PTPRN2: variants seen among roughly 807,000 people sequenced by gnomAD.
The protein encoded by PTPRN2 is receptor-type tyrosine-protein phosphatase N2.
A neutral mutation model predicts 118.8 loss-of-function variants in PTPRN2; 74 were observed. The observed-to-expected ratio is 0.62, with a 90% confidence interval of 0.52 to 0.76. The LOEUF (loss-of-function observed/expected upper bound fraction) is 0.76. Among genes scored for constraint, PTPRN2 ranks in the 30% least tolerant of loss-of-function variants. The pLI is 0.00. For synonymous variants in PTPRN2, 641 were observed against 608.0 expected, an observed-to-expected ratio of 1.05 and a Z score of -0.80; for missense variants, 1,481 against 1,394.4, an observed-to-expected ratio of 1.06 and a Z score of -0.99.
At chr7:157,755,368 C>T (rs927632794) in intron 12 of PTPRN2, among the ~76,000 whole-genome samples, 1 of 152,106 alleles carries the variant, frequency 6.6e-6, no homozygotes, top group Non-Finnish European at 1.5e-5. Flanking sequence ...TTAAAAATTA[C>T]AATTTAGTCC....
At chr7:158,137,501 T>C (rs1034671042) in intron 7 of PTPRN2, among the ~76,000 whole-genome samples, 4 of 152,188 alleles carry the variant, frequency 2.6e-5, no homozygotes, top group Admixed American at 2.6e-4. Context: ...ACCTGAACAG[T>C]GCCCCTGGAG....
chr7:158,326,738 AC>A (rs1407436012), intron 2 of PTPRN2, among the ~76,000 whole-genome samples: 3 of 150,326 alleles, frequency 2.0e-5, no homozygotes, highest in Non-Finnish European at 4.4e-5. Context: ...ATTCTCACAC[AC>A]ATGCACATTC....
intron 1 of PTPRN2, among the ~76,000 whole-genome samples, chr7:158,576,472 C>T (rs1828322971): frequency 6.6e-6 from 1 of 152,236 alleles, no homozygotes; most frequent in Non-Finnish European, 1.5e-5. Context: ...CCACAGCCTG[C>T]ACCACCAGGG....
intron 2 of PTPRN2, among the ~76,000 whole-genome samples, chr7:158,457,173 A>T (rs1586719665): frequency 1.3e-5 from 2 of 152,332 alleles, no homozygotes; most frequent in East Asian, 3.9e-4. Flanking sequence ...CTGATGAGCC[A>T]CCAAGAATCC....
intron 10 of PTPRN2, among the ~76,000 whole-genome samples, chr7:158,083,700 G>A (rs932062423): frequency 3.9e-5 from 6 of 152,202 alleles, no homozygotes; most frequent in African/African-American, 1.4e-4. Flanking sequence ...TCATCACCAG[G>A]GAGTGCTCCT....
chr7:157,787,037 C>G lies in PTPRN2; in HGVS notation c.1789-104100G>C, dbSNP rs149005497. Among the ~76,000 whole-genome samples the G allele has an allele frequency of 2.6e-4, 38 of 143,694 alleles. No homozygotes were observed. Among genetic ancestry groups the G allele is most frequent in the African/African-American group, 1.0e-3 (38 of 38,050 alleles). 94.3% of individuals were successfully genotyped at this position (143,694 alleles called of 152,430 possible). A position where few individuals can be genotyped will look rare whatever the true frequency, so the allele number is the denominator to read the frequency against. Reference sequence around the variant, plus strand: ...AGGCGGACACAGGTGCGGCGGGGGACGCGGGGGTGGCTGCCCGGGAGGCGG... The same window carrying G: ...AGGCGGACACAGGTGCGGCGGGGGAGGCGGGGGTGGCTGCCCGGGAGGCGG... On this transcript the variant is annotated intron_variant, in intron 12 of 22. Transcript: ENST00000389418. The surrounding 1 kb of genome is among the most constrained non-coding windows in gnomAD (Gnocchi z 5.3).
In PTPRN2 at chr7:158,151,934, G is replaced by A. The variant is rs1048027491; in HGVS notation, c.911-13419C>T. Among the ~76,000 whole-genome samples, 4 of 152,150 alleles carry A rather than the reference G, an allele frequency of 2.6e-5. No individual in the cohort carries two copies. The East Asian group carries it at 7.7e-4, about 29-fold the overall frequency. ...CACGCCTGTAATCCCAGCACTTTGG[G>A]AGGCCGAGGCGGGTGGATCACAAGG... On this transcript the variant is annotated intron_variant, in intron 6 of 22. Transcript: ENST00000389418.
At chr7:157,662,451 C>G (rs181136456) in intron 13 of PTPRN2, among the ~76,000 whole-genome samples, 1 of 152,126 alleles carries the variant, frequency 6.6e-6, no homozygotes, top group Non-Finnish European at 1.5e-5. Context: ...GAGCTGGGCA[C>G]GAGTGACCGC....
intron 3 of PTPRN2, among the ~76,000 whole-genome samples, chr7:158,293,660 C>T (rs1248649805): frequency 6.6e-6 from 1 of 151,964 alleles, no homozygotes; most frequent in African/African-American, 2.4e-5. Flanking sequence ...TTAAAACAAA[C>T]ACATAGTACA....
chr7:157,907,357 C>T (rs751317362), intron 11 of PTPRN2, among the ~76,000 whole-genome samples: 4 of 151,706 alleles, frequency 2.6e-5, no homozygotes, highest in African/African-American at 4.8e-5. Context: ...GTCTCCCTGT[C>T]CCCTGCGTGT....
intron 11 of PTPRN2, among the ~76,000 whole-genome samples, chr7:158,049,704 C>T (rs1041223145): frequency 6.6e-6 from 1 of 152,154 alleles, no homozygotes; most frequent in Non-Finnish European, 1.5e-5. Context: ...GGTTCAAGAC[C>T]AGCCTGGCCA....
At chr7:158,333,906 A>T (rs78248533) in intron 2 of PTPRN2, among the ~76,000 whole-genome samples, 1,462 of 101,740 alleles carry the variant, frequency 0.014, no homozygotes, top group Middle Eastern at 0.021. Context: ...ACACCCGCAG[A>T]CGTCACTCAC....
rs187789807 is a variant in PTPRN2, at chr7:157,813,347, C to T, written c.1788+85326G>A. ...CCGGTGTGGCTAGGACAACAAAGAC[C>T]AAGGACAGCGGGGAACGGTGGGGAG... On this transcript the variant is annotated intron_variant, in intron 12 of 22. Transcript: ENST00000389418. This position sits in a 1 kb window ranked among gnomAD's most constrained non-coding sequence, Gnocchi z 4.7. 3.1e-3 allele frequency among the ~76,000 whole-genome samples: 466 copies of T among 152,210 alleles called. 13 individuals carry two copies. The South Asian group carries it at 0.068, about 22-fold the overall frequency.
At chr7:157,727,394 C>T (rs1039786504) in intron 12 of PTPRN2, among the ~76,000 whole-genome samples, 27 of 152,196 alleles carry the variant, frequency 1.8e-4, no homozygotes, top group African/African-American at 5.1e-4. Context: ...TACAGCACAA[C>T]ACAGGGAACC....
chr7:158,544,659 GA>G lies in PTPRN2; in HGVS notation c.112+42898del, dbSNP rs1298806015. Among the ~76,000 whole-genome samples, 5 of 152,010 alleles carry G rather than the reference GA, an allele frequency of 3.3e-5. No individual in the cohort carries two copies. Among genetic ancestry groups the G allele is most frequent in the African/African-American group, 1.2e-4 (5 of 41,380 alleles). ...GTCTCAAAAAAAAAAAAAATTATGA[GA>G]TTTTTTTGCAATTTTTTAAAGCTCA... On this transcript the variant is annotated intron_variant, in intron 1 of 22. Coordinates refer to ENST00000389418, the MANE Select transcript of PTPRN2 (RefSeq NM_002847.5). The surrounding 1 kb of genome is among the most constrained non-coding windows in gnomAD (Gnocchi z 4.2).
intron 6 of PTPRN2, among the ~76,000 whole-genome samples, chr7:158,142,083 C>T (rs904767384): frequency 6.6e-6 from 1 of 152,230 alleles, no homozygotes; most frequent in Non-Finnish European, 1.5e-5. Context: ...ATTTCTGATG[C>T]TCTGACATCT....
chr7:158,327,051 A>G (rs1018437536), intron 2 of PTPRN2, among the ~76,000 whole-genome samples: 18 of 151,760 alleles, frequency 1.2e-4, no homozygotes, highest in African/African-American at 4.4e-4. Context: ...ACATGTACAC[A>G]TTCTCATCTG....
chr7:157,801,435 C>T lies in PTPRN2; in HGVS notation c.1788+97238G>A, dbSNP rs1042908202. On this transcript the variant is annotated intron_variant, in intron 12 of 22. Coordinates refer to ENST00000389418, the MANE Select transcript of PTPRN2 (RefSeq NM_002847.5). This position sits in a 1 kb window ranked among gnomAD's most constrained non-coding sequence, Gnocchi z 4.2. ...CGAGAGTGCTGCGTTAACCCAGGTG[C>T]GGGGGATATTATCCTCCCCGTGAGA... 1.1e-4 allele frequency among the ~76,000 whole-genome samples: 16 copies of T among 151,964 alleles called. No individual in the cohort carries two copies. Among genetic ancestry groups the T allele is most frequent in the African/African-American group, 3.4e-4 (14 of 41,338 alleles).
chr7:158,260,620 G>A (rs1238921245), intron 3 of PTPRN2, among the ~76,000 whole-genome samples: 1 of 152,162 alleles, frequency 6.6e-6, no homozygotes, highest in East Asian at 1.9e-4. Context: ...ACATTCTAAT[G>A]CTGATAGTAA....
Sources: gnomAD v4.1 joint callset for allele counts (sites outside exome capture counted in the v4.1 genomes callset) on GRCh38, gnomAD v4.1.1 for gene constraint, Gnocchi (gnomAD v3.1) non-coding constraint, MANE v1.5 for transcripts, NCBI Gene and HGNC (gene_info 2026-07-23, HGNC 2026-07-21) for gene names.